Variants in SSH2 observed in about 807,000 individuals in gnomAD.
SSH2 encodes the protein slingshot protein phosphatase 2.
In SSH2, 37 loss-of-function variants were observed where a neutral mutation model predicts 135.2. The observed-to-expected ratio is 0.27, with a 90% CI of 0.21 to 0.36. The LOEUF is 0.36. Ranked by LOEUF, SSH2 falls within the 10% of genes least tolerant of loss-of-function variation. SSH2 has a pLI of 1.00. For synonymous variants in SSH2, 628 were observed against 646.2 expected (o/e 0.97, Z 0.43); for missense variants, 1,408 against 1,765.3 (o/e 0.80, Z 3.63).
intron 1 of SSH2, chr17:29,856,266 T>C (rs1892652040): frequency 3.5e-6 from 1 of 286,000 alleles, no homozygotes. Context: ...AAAACAAAGA[T>C]AACAGAAAAC....
intron 3 of SSH2, among the ~76,000 whole-genome samples, chr17:29,763,755 G>T (rs920529727): frequency 7.9e-5 from 12 of 152,106 alleles, no homozygotes; most frequent in African/African-American, 2.9e-4. Flanking sequence ...TTTATAAATA[G>T]GTTCCTATAG....
rs1234850040 is a variant in SSH2 at position 29,632,454 on chromosome 17, C to T, written c.2740G>A (p.Ala914Thr). Residue 914 changes from alanine to threonine, a missense_variant, in exon 16 of 16, where the codon GCC becomes ACC. Physicochemically the swap from Ala to Thr is moderately conservative, Grantham distance 58. Around this residue, in one of 3 missense-constraint regions of SSH2, gnomAD observed 1,080 missense variants for 1,144.5 expected, o/e 0.94. Transcript: ENST00000540801. ...GTGGACAATGAGGTACATGTTGGGG[C>T]AGCACCATGATGCTCTTGCTCCTGC... ...LRQEQEHHGAAPTCTSLSTRK... is the reference protein window; with the variant it reads ...LRQEQEHHGATPTCTSLSTRK... 4 of 1,614,070 alleles carry T rather than the reference C, an allele frequency of 2.5e-6. No individual in the cohort carries two copies. The highest frequency in any genetic ancestry group is 1.7e-5 in the Admixed American group (1 of 60,008).
At chr17:29,881,198 A>G (rs1471214614) in intron 1 of SSH2, among the ~76,000 whole-genome samples, 1 of 152,246 alleles carries the variant, frequency 6.6e-6, no homozygotes, top group East Asian at 1.9e-4. Flanking sequence ...AAGTGACTAA[A>G]GAGTTTTTAA....
chr17:29,904,508 A>C (rs572230128), intron 1 of SSH2, among the ~76,000 whole-genome samples: 39 of 152,176 alleles, frequency 2.6e-4, no homozygotes, highest in Non-Finnish European at 4.1e-4. Context: ...ACCTCAAAAT[A>C]ATAAGAGCCA....
chr17:29,782,447 G>A (rs1446971848), intron 3 of SSH2, among the ~76,000 whole-genome samples: 2 of 152,020 alleles, frequency 1.3e-5, no homozygotes, highest in Admixed American at 1.3e-4. Flanking sequence ...TAGTTTTCTT[G>A]CCTCCCCTCC....
chr17:29,761,162 G>C, intron 3 of SSH2: 1 of 1,289,468 alleles, frequency 7.8e-7, no homozygotes. Flanking sequence ...CTGGTTGATG[G>C]CGTTCTGCGA....
At chr17:29,867,390 C>T (rs2065871557) in intron 1 of SSH2, among the ~76,000 whole-genome samples, 1 of 152,110 alleles carries the variant, frequency 6.6e-6, no homozygotes, top group Non-Finnish European at 1.5e-5. Context: ...ATCAACTTCC[C>T]CCAGCCCCTG....
chr17:29,789,276 T>C (rs1297712438), intron 3 of SSH2, among the ~76,000 whole-genome samples: 1 of 152,180 alleles, frequency 6.6e-6, no homozygotes, highest in Non-Finnish European at 1.5e-5. Flanking sequence ...CCTGTGCATA[T>C]TGCAAAAAAT....
At chr17:29,806,969 C>A (rs188660800) in intron 2 of SSH2, among the ~76,000 whole-genome samples, 106 of 152,304 alleles carry the variant, frequency 7.0e-4, no homozygotes, top group African/African-American at 2.5e-3. Flanking sequence ...CCACAAGAAA[C>A]TTAAACAATG....
intron 2 of SSH2, among the ~76,000 whole-genome samples, chr17:29,819,473 G>C (rs2042616354): frequency 6.6e-6 from 1 of 152,144 alleles, no homozygotes; most frequent in South Asian, 2.1e-4. Context: ...TATGGAATAA[G>C]ATGGTAGTTA....
intron 3 of SSH2, among the ~76,000 whole-genome samples, chr17:29,709,009 TATATATAG>T (rs1444710964): frequency 1.6e-4 from 17 of 103,040 alleles, no homozygotes; most frequent in African/African-American, 3.2e-4. Flanking sequence ...TATATATATA[TATATATAG>T]AGAGAGAGAG....
At chr17:29,770,693 G>A (rs952615390) in intron 3 of SSH2, among the ~76,000 whole-genome samples, 5 of 152,026 alleles carry the variant, frequency 3.3e-5, no homozygotes, top group Non-Finnish European at 5.9e-5. Flanking sequence ...GACTGGTCTC[G>A]AACTCCTGAC....
At chr17:29,886,464 T>C (rs886655911) in intron 1 of SSH2, among the ~76,000 whole-genome samples, 14 of 151,870 alleles carry the variant, frequency 9.2e-5, no homozygotes, top group African/African-American at 2.7e-4. Flanking sequence ...GTTTGGAAAA[T>C]GGCCGGGTGT....
intron 2 of SSH2, among the ~76,000 whole-genome samples, chr17:29,837,527 A>G (rs1391370406): frequency 6.6e-6 from 1 of 152,120 alleles, no homozygotes. Flanking sequence ...TGGGAGCAGC[A>G]GTGGTGGCGG....
intron 2 of SSH2, among the ~76,000 whole-genome samples, chr17:29,830,865 G>A (rs1330997456): frequency 1.3e-5 from 2 of 152,140 alleles, no homozygotes; most frequent in African/African-American, 4.8e-5. Flanking sequence ...AGATAGAGAT[G>A]TAGAACCAGA....
chr17:29,855,914 G>T, intron 1 of SSH2: 2 of 256,574 alleles, frequency 7.8e-6, no homozygotes, highest in Non-Finnish European at 1.5e-5. Flanking sequence ...AAAAGAAGAG[G>T]CGCTAGGTTG....
intron 2 of SSH2, among the ~76,000 whole-genome samples, chr17:29,842,179 C>G (rs1023027153): frequency 1.3e-5 from 2 of 151,850 alleles, no homozygotes; most frequent in African/African-American, 2.4e-5. Context: ...CACAGCCAGG[C>G]GCAGTGGCTC....
At position 29,676,823 on chromosome 17, in the gene SSH2, A is replaced by AT; in HGVS notation, c.610dup (p.Met204AsnfsTer13). 1 of 1,612,856 alleles carries AT rather than the reference A, an allele frequency of 6.2e-7. No individual in the cohort carries two copies. Among genetic ancestry groups the AT allele is most frequent in the East Asian group, 2.2e-5 (1 of 44,840 alleles). On this transcript the variant is annotated frameshift_variant, in exon 8 of 16. Transcript: ENST00000540801. LOFTEE classifies it high-confidence loss of function. ...GAGATAGTAAAAGTCATCTTACCAC[A>AT]TTGCCTGCACAGATACAGGTTTGAA...
chr17:29,658,123 C>T (rs1193404612), intron 11 of SSH2, among the ~76,000 whole-genome samples: 2 of 151,516 alleles, frequency 1.3e-5, no homozygotes, highest in Non-Finnish European at 2.9e-5. Flanking sequence ...CCTTCCTCAG[C>T]CTCCTGAGTA....
Sources: allele counts gnomAD v4.1 joint callset (sites outside exome capture counted in the v4.1 genomes callset), GRCh38; gene constraint gnomAD v4.1.1; regional missense constraint gnomAD v4.1.1; transcripts MANE v1.5; gene names NCBI Gene and HGNC (gene_info 2026-07-23, HGNC 2026-07-21).